NFIC: variants seen among roughly 807,000 people sequenced by gnomAD.
The protein encoded by NFIC is nuclear factor I C, also known as nuclear factor 1 C-type.
A neutral mutation model predicts 54.4 loss-of-function variants in NFIC; 12 were observed. The observed-to-expected ratio is 0.22, with a 90% CI of 0.14 to 0.36. NFIC has a LOEUF of 0.36. NFIC is among the 10% of genes least tolerant of loss of function. The pLI is 1.00. For synonymous variants in NFIC, 322 were observed against 319.2 expected, an observed-to-expected ratio of 1.01 and a Z score of -0.09; for missense variants, 575 against 718.2, an observed-to-expected ratio of 0.80 and a Z score of 2.28.
intron 3 of NFIC, among the ~76,000 whole-genome samples, chr19:3,427,797 C>A (rs1599668687): frequency 9.0e-6 from 1 of 111,646 alleles, no homozygotes; most frequent in Non-Finnish European, 1.7e-5. Flanking sequence ...CCCTGGGCGA[C>A]ACAGCGAGAC....
Position 3,452,101 on chromosome 19 carries a change from CAAA to C in NFIC, c.1085-361_1085-359del, listed in dbSNP as rs777727186. On this transcript the variant is annotated intron_variant, in intron 7 of 10. Transcript: ENST00000443272. The surrounding 1 kb of genome is among the most constrained non-coding windows in gnomAD (Gnocchi z 5.3). ...TGCACTCCAGCCTGGGTGACTGTCT[CAAA>C]AAAAAAAAAAAAAAAAAAAGACCAG... Among the ~76,000 whole-genome samples the C allele has an allele frequency of 7.3e-5, 4 of 54,518 alleles. No homozygotes were observed. The highest frequency in any genetic ancestry group is 2.1e-4 in the Admixed American group (1 of 4,720). 35.8% of individuals were successfully genotyped at this position (54,518 alleles called of 152,430 possible).
chr19:3,453,508 G>C lies in NFIC; in HGVS notation c.1270-255G>C, dbSNP rs1044726195. Among the ~76,000 whole-genome samples the C allele has an allele frequency of 6.6e-6, 1 of 152,170 alleles. No homozygotes were observed. The highest frequency in any genetic ancestry group is 1.5e-5 in the Non-Finnish European group (1 of 68,032). ...AATCAGTCGAGTTGGCGTGCAGGGG[G>C]TTTACAGAGGAGATGCAGTGAGCGT... On this transcript the variant is annotated intron_variant, in intron 8 of 10. Coordinates refer to ENST00000443272, the MANE Select transcript of NFIC (RefSeq NM_001245002.2). The surrounding 1 kb of genome is among the most constrained non-coding windows in gnomAD (Gnocchi z 6.7).
At chr19:3,373,695 C>G (rs1383375250) in intron 1 of NFIC, among the ~76,000 whole-genome samples, 8 of 147,710 alleles carry the variant, frequency 5.4e-5, no homozygotes, top group Admixed American at 4.9e-4. Context: ...CTTCAGAGCA[C>G]TTTGCCCAAC....
intron 2 of NFIC, among the ~76,000 whole-genome samples, chr19:3,413,006 GGCCCA>G (rs2081790099): frequency 6.6e-6 from 1 of 152,084 alleles, no homozygotes; most frequent in South Asian, 2.1e-4. Flanking sequence ...GGGCTGGAAG[GGCCCA>G]GCCTGGGGCT....
chr19:3,375,184 A>T lies in NFIC; in HGVS notation c.31-6528A>T, dbSNP rs1386483456. On this transcript the variant is annotated intron_variant, in intron 1 of 10. Coordinates refer to ENST00000443272, the MANE Select transcript of NFIC (RefSeq NM_001245002.2). The surrounding 1 kb of genome is among the most constrained non-coding windows in gnomAD (Gnocchi z 4.6). ...TGGGGGGACAGTGATCCCTGCCCCC[A>T]TCATGGATGCCTCCCCTGTCCCTTC... Among the ~76,000 whole-genome samples the T allele has an allele frequency of 6.6e-6, 1 of 152,058 alleles. No homozygotes were observed. The highest frequency in any genetic ancestry group is 2.4e-5 in the African/African-American group (1 of 41,392).
rs531161475 is a variant in NFIC, at chr19:3,398,797, G to A, written c.562+16554G>A. On this transcript the variant is annotated intron_variant, in intron 2 of 10. Coordinates refer to ENST00000443272, the MANE Select transcript of NFIC (RefSeq NM_001245002.2). ...AGGGCAGCCGGCCCGCTTACATAAG[G>A]GGAGGCCGGGCCAGCGCCCAGCTGG... Among the ~76,000 whole-genome samples the A allele has an allele frequency of 3.9e-5, 6 of 152,306 alleles. No homozygotes were observed. The East Asian group carries it at 9.7e-4, about 25-fold the overall frequency.
In NFIC at chr19:3,453,731, C is replaced by A. The variant is rs766517659; in HGVS notation, c.1270-32C>A. 1 of 1,584,706 alleles carries A rather than the reference C, an allele frequency of 6.3e-7. No individual in the cohort carries two copies. The highest frequency in any genetic ancestry group is 8.6e-7 in the Non-Finnish European group (1 of 1,168,438). The stretch of plus-strand genomic sequence containing the variant: ...CAGCCCGAGGTAGAGGGGGAGCCCA[C>A]CCCTTAACCACGTGTCTCTCTGTTC... On this transcript the variant is annotated intron_variant, in intron 8 of 10. Transcript: ENST00000443272. This position sits in a 1 kb window ranked among gnomAD's most constrained non-coding sequence, Gnocchi z 6.7.
chr19:3,377,575 A>C (rs982371171), intron 1 of NFIC, among the ~76,000 whole-genome samples: 1 of 151,972 alleles, frequency 6.6e-6, no homozygotes, highest in Non-Finnish European at 1.5e-5. Flanking sequence ...CTTGAGGCTG[A>C]GAAACTAGGT....
rs993403327 is a variant in NFIC, at chr19:3,370,574, C to A, written c.30+3908C>A. 6.7e-6 allele frequency among the ~76,000 whole-genome samples: 1 copy of A among 149,714 alleles called. No individual in the cohort carries two copies. Among genetic ancestry groups the A allele is most frequent in the African/African-American group, 2.5e-5 (1 of 40,584 alleles). ...CTCTCTCCTTCTCTGTCTCCCTTTCCGTCTTTCCCTCTTCCTTTCTCTCTC... is the reference window on the plus strand; with the variant it reads ...CTCTCTCCTTCTCTGTCTCCCTTTCAGTCTTTCCCTCTTCCTTTCTCTCTC... On this transcript the variant is annotated intron_variant, in intron 1 of 10. Coordinates refer to ENST00000443272, the MANE Select transcript of NFIC (RefSeq NM_001245002.2). The surrounding 1 kb of genome is among the most constrained non-coding windows in gnomAD (Gnocchi z 5.2).
chr19:3,432,670 C>CTTTT (rs33968415), intron 3 of NFIC, among the ~76,000 whole-genome samples: 1 of 129,500 alleles, frequency 7.7e-6, no homozygotes, highest in Non-Finnish European at 1.6e-5. Flanking sequence ...GCTTTCCGCT[C>CTTTT]TTTTTTTTTT....
At chr19:3,391,421 C>T (rs370436920) in intron 2 of NFIC, among the ~76,000 whole-genome samples, 4 of 152,118 alleles carry the variant, frequency 2.6e-5, no homozygotes, top group Non-Finnish European at 5.9e-5. Flanking sequence ...GAGGCTGAGG[C>T]GGGAAGATGA....
intron 1 of NFIC, among the ~76,000 whole-genome samples, chr19:3,372,358 G>T (rs2081035466): frequency 6.6e-6 from 1 of 152,050 alleles, no homozygotes; most frequent in Admixed American, 6.6e-5. Context: ...CCTGTCCAGG[G>T]TCTCCCTGAG....
chr19:3,437,186 T>G (rs574782177), intron 6 of NFIC, among the ~76,000 whole-genome samples: 7 of 151,886 alleles, frequency 4.6e-5, no homozygotes, highest in African/African-American at 1.7e-4. Flanking sequence ...GCTAACACAG[T>G]GAAACCCCGT....
In NFIC at chr19:3,459,382, C is replaced by T. The variant is rs2082608013; in HGVS notation, c.1509+2747C>T. Among the ~76,000 whole-genome samples, 1 of 152,162 alleles carries T rather than the reference C, an allele frequency of 6.6e-6. No individual in the cohort carries two copies. The highest frequency in any genetic ancestry group is 2.1e-4 in the South Asian group (1 of 4,828). On this transcript the variant is annotated intron_variant, in intron 10 of 10. Transcript: ENST00000443272. The surrounding 1 kb of genome is among the most constrained non-coding windows in gnomAD (Gnocchi z 4.2). ...CTGGGTGGCTCTGACGCCCTGGCCC[C>T]TCCCCTCTGTGATGTCCTTCACGCC...
At chr19:3,366,571 G>T, upstream of NFIC, 3 of 1,094,100 alleles carry the variant, frequency 2.7e-6, no homozygotes, top group Non-Finnish European at 3.9e-6. Context: ...GGGTGGTTTG[G>T]AAAAATGACT....
intron 2 of NFIC, among the ~76,000 whole-genome samples, chr19:3,405,819 T>C (rs1379495484): frequency 2.0e-5 from 3 of 152,060 alleles, no homozygotes; most frequent in African/African-American, 7.2e-5. Context: ...GCCAGGCTGG[T>C]CTCGAACTCC....
chr19:3,459,042 T>C lies in NFIC; in HGVS notation c.1509+2407T>C, dbSNP rs56053124. On this transcript the variant is annotated intron_variant, in intron 10 of 10. Coordinates refer to ENST00000443272, the MANE Select transcript of NFIC (RefSeq NM_001245002.2). This position sits in a 1 kb window ranked among gnomAD's most constrained non-coding sequence, Gnocchi z 4.2. ...GAGAGGGAGGGAAGAAGCAGTGAGA[T>C]CCCGCTCTCCCCTCTCCCAGCTCCC... Among the ~76,000 whole-genome samples, 77,053 of 151,838 alleles carry C rather than the reference T, an allele frequency of 0.51. 23,252 individuals carry two copies. Among genetic ancestry groups the C allele is most frequent in the African/African-American group, 0.82 (34,140 of 41,428 alleles).
intron 2 of NFIC, among the ~76,000 whole-genome samples, chr19:3,394,523 A>ACCCCCCCCCC (rs1387633539): frequency 2.0e-5 from 1 of 51,146 alleles, no homozygotes; most frequent in Non-Finnish European, 3.1e-5. Context: ...TTCCCCACCC[A>ACCCCCCCCCC]CCCCCCACCC....
chr19:3,393,398 C>A (rs375280167), intron 2 of NFIC, among the ~76,000 whole-genome samples: 1 of 152,152 alleles, frequency 6.6e-6, no homozygotes, highest in South Asian at 2.1e-4. Context: ...TTTCTAGATT[C>A]TCCAGGGCAT....
Sources: allele counts gnomAD v4.1 joint callset (sites outside exome capture counted in the v4.1 genomes callset), GRCh38; gene constraint gnomAD v4.1.1; non-coding constraint Gnocchi (gnomAD v3.1); transcripts MANE v1.5; gene names NCBI Gene and HGNC (gene_info 2026-07-23, HGNC 2026-07-21).